LDB1: variants seen among roughly 807,000 people sequenced by gnomAD.
LDB1 encodes the protein LIM domain binding 1.
A neutral mutation model predicts 49.7 loss-of-function variants in LDB1; 6 were observed. The observed-to-expected ratio is 0.12, with a 90% confidence interval of 0.07 to 0.24. LDB1 has a LOEUF of 0.24. Among genes scored for constraint, LDB1 ranks in the 10% least tolerant of loss-of-function variants. The pLI is 1.00. For missense variants in LDB1, 341 were observed against 561.7 expected (o/e 0.61, Z 3.97); for synonymous variants, 233 against 202.0 (o/e 1.15, Z -1.30).
chr10:102,110,801 C>T, intron 5 of LDB1, 68 bp downstream of exon 5: 1 of 1,581,292 alleles, frequency 6.3e-7, no homozygotes, highest in East Asian at 2.2e-5. Flanking sequence ...ACTCCCAGAC[C>T]CACTTCTAGA....
At chr10:102,103,927 G>A (rs969931424), downstream of LDB1, among the ~76,000 whole-genome samples, 1 of 151,992 alleles carries the variant, frequency 6.6e-6, no homozygotes, top group Non-Finnish European at 1.5e-5. Flanking sequence ...AAATTAGCCA[G>A]GTATGGTGTC....
rs778179030 is a variant in LDB1, at chr10:102,108,072, G to T, written c.*21C>A. 6.3e-7 allele frequency: 1 copy of T among 1,574,998 alleles called. No individual in the cohort carries two copies. Among genetic ancestry groups the T allele is most frequent in the African/African-American group, 1.3e-5 (1 of 74,230 alleles). The stretch of plus-strand genomic sequence containing the variant: ...GGGTGGGGCAGGTAGGCAGAGCACT[G>T]GGTGGCCACAGCAGGGCCTTTTACT... On this transcript the variant is annotated 3_prime_UTR_variant, in exon 11 of 11. Transcript: ENST00000673968.
upstream of LDB1, chr10:102,120,438 C>T (rs2068403734): frequency 1.0e-6 from 1 of 972,324 alleles, no homozygotes; most frequent in Non-Finnish European, 1.2e-6. Context: ...GCCGAGCGCC[C>T]CCCTCTCCGC....
At chr10:102,113,759 T>TAAAAAA (rs11422831) in intron 1 of LDB1, among the ~76,000 whole-genome samples, 1 of 123,648 alleles carries the variant, frequency 8.1e-6, no homozygotes, top group Admixed American at 8.3e-5. Flanking sequence ...TCCAATTTTG[T>TAAAAAA]AAAAAAAAAA....
Position 102,109,616 on chromosome 10 carries a change from G to A in LDB1, c.716C>T (p.Thr239Ile). ...NITRCGLSNS[T>I]LNYLRLCVIL... is the part of the protein sequence containing the mutation. ...GAGACTCACTCGGAGGTAGTTGAGA[G>A]TGGAATTGGACAGCCCACACCGAGT... is the stretch of plus-strand genomic sequence containing the variant. Residue 239 changes from threonine to isoleucine, a missense_variant, in exon 8 of 11, where the codon ACT becomes ATT. By Grantham distance (89) the Thr-to-Ile change is moderately conservative (BLOSUM62 -1). Coordinates refer to ENST00000673968, the MANE Select transcript of LDB1 (RefSeq NM_001113407.3). This position sits in a 1 kb window ranked among gnomAD's most constrained non-coding sequence, Gnocchi z 5.8. 3 of 1,614,122 alleles carry A rather than the reference G, an allele frequency of 1.9e-6. No homozygotes were observed. Among genetic ancestry groups the A allele is most frequent in the South Asian group, 1.1e-5 (1 of 91,070 alleles).
At chr10:102,112,348 G>A (rs2133514950) in intron 1 of LDB1, among the ~76,000 whole-genome samples, 1 of 152,304 alleles carries the variant, frequency 6.6e-6, no homozygotes. Context: ...TAGGACTTGA[G>A]CTTGGATCTT....
chr10:102,111,063 C>T lies in LDB1; in HGVS notation c.249+6G>A, dbSNP rs1337589439. ...CTGCTCCCAGCCCCTTTTCCCTTGG[C>T]CATACCTCTGTCCAGTTCTGAAGCC... is the stretch of plus-strand genomic sequence containing the variant. On this transcript the variant is annotated splice_donor_region_variant and intron_variant, in intron 4 of 10. Transcript: ENST00000673968. The T allele has an allele frequency of 3.1e-6, 5 of 1,613,914 alleles. No individual in the cohort carries two copies. The African/African-American group carries it at 4.0e-5, about 13-fold the overall frequency.
Position 102,106,541 on chromosome 10 carries a change from C to CAAAAAAAAAAAAAAAAAAAAAA in LDB1, c.*1530_*1551dup, listed in dbSNP as rs558516308. Among the ~76,000 whole-genome samples, 6 of 17,758 alleles carry CAAAAAAAAAAAAAAAAAAAAAA rather than the reference C, an allele frequency of 3.4e-4. 3 individuals are homozygous for CAAAAAAAAAAAAAAAAAAAAAA. Among genetic ancestry groups the CAAAAAAAAAAAAAAAAAAAAAA allele is most frequent in the Non-Finnish European group, 6.3e-4 (6 of 9,520 alleles). The allele number at this position is 17,758 out of a possible 152,430, so 11.6% of individuals were successfully genotyped here. On this transcript the variant is annotated 3_prime_UTR_variant, in exon 11 of 11. Coordinates refer to ENST00000673968, the MANE Select transcript of LDB1 (RefSeq NM_001113407.3). ...GGTACCATACATGACTCAAATGGCC[C>CAAAAAAAAAAAAAAAAAAAAAA]AAAAAAAAAAAAAAAAAAAAAAAAA...
In LDB1 at chr10:102,109,344, C is replaced by G. The variant is rs532419769; in HGVS notation, c.856+40G>C. The G allele has an allele frequency of 1.9e-6, 3 of 1,612,066 alleles. No homozygotes were observed. In the Admixed American group the frequency reaches 5.0e-5, roughly 27 times the overall value. On this transcript the variant is annotated intron_variant, in intron 9 of 10. Transcript: ENST00000673968. This position sits in a 1 kb window ranked among gnomAD's most constrained non-coding sequence, Gnocchi z 5.8. ...GAAATAAAGATACAGCTTTGGGGAG[C>G]GGTGTGAGATCCTGGTAAGAGCAGG... is the stretch of plus-strand genomic sequence containing the variant.
chr10:102,116,585 G>A (rs1280316034), intron 1 of LDB1, among the ~76,000 whole-genome samples: 2 of 152,030 alleles, frequency 1.3e-5, no homozygotes, highest in Non-Finnish European at 2.9e-5. Flanking sequence ...CACGCATCCT[G>A]ACCTCAATAC....
At chr10:102,121,118 G>A (rs779603279), upstream of LDB1, among the ~76,000 whole-genome samples, 2 of 152,184 alleles carry the variant, frequency 1.3e-5, no homozygotes, top group Non-Finnish European at 2.9e-5. Context: ...CTCCGCCTAA[G>A]GGCTTGGGAT....
intron 6 of LDB1, 106 bp downstream of exon 6, chr10:102,110,423 G>A: frequency 8.4e-7 from 1 of 1,196,634 alleles, no homozygotes; most frequent in East Asian, 2.5e-5. Flanking sequence ...TATTTTGCCA[G>A]TTCACATTAT....
chr10:102,104,381 C>G (rs1207590083), downstream of LDB1, among the ~76,000 whole-genome samples: 1 of 152,188 alleles, frequency 6.6e-6, no homozygotes, highest in African/African-American at 2.4e-5. Context: ...TATACACTGC[C>G]TTACCTGCAC....
rs539973270 is a variant in LDB1 at position 102,118,792 on chromosome 10, G to A, written c.25+1294C>T. Among the ~76,000 whole-genome samples, 4 of 152,284 alleles carry A rather than the reference G, an allele frequency of 2.6e-5. No individual in the cohort carries two copies. The South Asian group carries it at 8.3e-4, about 32-fold the overall frequency. ...AGGAGAAAATCCACAACATAAACAT[G>A]TACACCAAGCTGGTAGAAAGAGGGA... On this transcript the variant is annotated intron_variant, in intron 1 of 10. Transcript: ENST00000673968.
chr10:102,114,587 G>GCCCGC, intron 1 of LDB1: 2 of 985,370 alleles, frequency 2.0e-6, no homozygotes, highest in Non-Finnish European at 2.4e-6. Context: ...CACTGCCTCG[G>GCCCGC]CCCGCCCCGC....
intron 1 of LDB1, among the ~76,000 whole-genome samples, chr10:102,116,401 G>A (rs1213246708): frequency 6.6e-6 from 1 of 152,062 alleles, no homozygotes. Flanking sequence ...GGCTGGTCTC[G>A]AACGCCTGAC....
chr10:102,113,405 G>A (rs1040259202), intron 1 of LDB1, among the ~76,000 whole-genome samples: 2 of 152,146 alleles, frequency 1.3e-5, no homozygotes, highest in African/African-American at 2.4e-5. Context: ...GAGCTCTCAC[G>A]GGCCACATCC....
upstream of LDB1, among the ~76,000 whole-genome samples, chr10:102,121,041 C>G (rs907272015): frequency 6.6e-6 from 1 of 152,164 alleles, no homozygotes; most frequent in Non-Finnish European, 1.5e-5. Flanking sequence ...TTAACCACTC[C>G]TCCTTTGCCT....
At chr10:102,104,981 GAATTA>G (rs1267366156), downstream of LDB1, among the ~76,000 whole-genome samples, 1 of 152,118 alleles carries the variant, frequency 6.6e-6, no homozygotes, top group Non-Finnish European at 1.5e-5. Flanking sequence ...ATATTTGAAT[GAATTA>G]ATTAACCAAC....
Sources: gnomAD v4.1 joint callset for allele counts (sites outside exome capture counted in the v4.1 genomes callset) on GRCh38, gnomAD v4.1.1 for gene constraint, Gnocchi (gnomAD v3.1) non-coding constraint, MANE v1.5 for transcripts, NCBI Gene and HGNC (gene_info 2026-07-23, HGNC 2026-07-21) for gene names.